Variants in LHFPL3 observed in about 807,000 individuals in gnomAD.
The protein encoded by LHFPL3 is LHFPL tetraspan subfamily member 3 protein.
A neutral mutation model predicts 19.3 loss-of-function variants in LHFPL3; 5 were observed. The ratio of observed to expected loss-of-function variants is 0.26; its 90% confidence interval spans 0.14 to 0.54. LHFPL3 has a LOEUF of 0.54. Ranked by LOEUF, LHFPL3 falls within the 20% of genes least tolerant of loss-of-function variation. The pLI is 0.94. For missense variants in LHFPL3, 249 were observed against 307.4 expected (o/e 0.81, Z 1.42); for synonymous variants, 133 against 126.2 (o/e 1.05, Z -0.36).
chr7:104,801,735 TAA>T (rs1790250605), intron 2 of LHFPL3, among the ~76,000 whole-genome samples: 1 of 152,048 alleles, frequency 6.6e-6, no homozygotes, highest in South Asian at 2.1e-4. Flanking sequence ...CACACCCAGC[TAA>T]TTTTTTGTAT....
At chr7:104,771,634 T>C (rs74378298) in intron 2 of LHFPL3, among the ~76,000 whole-genome samples, 234 of 151,834 alleles carry the variant, frequency 1.5e-3, no homozygotes, top group African/African-American at 5.5e-3. Context: ...TGAATATTGA[T>C]ATTTTGGCTC....
At chr7:104,900,782 G>GAGAAAA (rs1475570530) in intron 2 of LHFPL3, among the ~76,000 whole-genome samples, 2 of 152,182 alleles carry the variant, frequency 1.3e-5, no homozygotes, top group African/African-American at 4.8e-5. Context: ...TGATTCAAAT[G>GAGAAAA]ACAGCTTTGA....
intron 1 of LHFPL3, among the ~76,000 whole-genome samples, chr7:104,604,272 T>C (rs899217738): frequency 2.6e-5 from 4 of 152,172 alleles, no homozygotes; most frequent in African/African-American, 4.8e-5. Context: ...GCCAGGGTGG[T>C]CGAAGAGTGC....
chr7:104,379,395 T>C (rs146094423), intron 1 of LHFPL3, among the ~76,000 whole-genome samples: 1 of 152,338 alleles, frequency 6.6e-6, no homozygotes, highest in East Asian at 1.9e-4. Context: ...AGATTGTAAG[T>C]CTGCCTCTTC....
At chr7:104,360,739 GTGTA>G (rs1418583882) in intron 1 of LHFPL3, among the ~76,000 whole-genome samples, 5 of 121,238 alleles carry the variant, frequency 4.1e-5, no homozygotes, top group Non-Finnish European at 6.7e-5. Context: ...GTGTGTGTGT[GTGTA>G]TACATTTACA....
intron 2 of LHFPL3, among the ~76,000 whole-genome samples, chr7:104,846,704 T>G (rs975376767): frequency 1.3e-5 from 2 of 152,326 alleles, no homozygotes; most frequent in Admixed American, 6.5e-5. Flanking sequence ...TCTTGCACAC[T>G]ACCAGGAGAG....
In LHFPL3 at chr7:104,452,443, G is replaced by A. The variant is rs145023360; in HGVS notation, c.445+123219G>A. 7.0e-3 allele frequency among the ~76,000 whole-genome samples: 1,069 copies of A among 152,136 alleles called. 11 individuals carry two copies. Among genetic ancestry groups the A allele is most frequent in the African/African-American group, 0.025 (1,019 of 41,526 alleles). On this transcript the variant is annotated intron_variant, in intron 1 of 2. Coordinates refer to ENST00000424859, the MANE Select transcript of LHFPL3 (RefSeq NM_199000.3). The stretch of plus-strand genomic sequence containing the variant: ...TCCTTAGGATACATTCCTAGAAGTG[G>A]AGTTTCTGGGTCCAAGGGCTTGCCC...
chr7:104,647,539 A>C (rs1297443499), intron 1 of LHFPL3, among the ~76,000 whole-genome samples: 1 of 152,246 alleles, frequency 6.6e-6, no homozygotes, highest in Non-Finnish European at 1.5e-5. Flanking sequence ...TTATTCCACA[A>C]CAAATATTTA....
intron 1 of LHFPL3, among the ~76,000 whole-genome samples, chr7:104,602,020 CTTTTTTTTT>C (rs57501560): frequency 1.1e-5 from 1 of 91,456 alleles, no homozygotes; most frequent in African/African-American, 4.3e-5. Flanking sequence ...TTTTTCTTTT[CTTTTTTTTT>C]TTTTTTTTTT....
At chr7:104,902,658 T>C (rs188689273) in intron 2 of LHFPL3, among the ~76,000 whole-genome samples, 44 of 152,160 alleles carry the variant, frequency 2.9e-4, no homozygotes, top group African/African-American at 1.0e-3. Flanking sequence ...TGGTGGCGCA[T>C]ACCTGTAATC....
chr7:104,350,164 T>TATTTAA (rs547802089), intron 1 of LHFPL3, among the ~76,000 whole-genome samples: 3,501 of 152,184 alleles, frequency 0.023, 145 homozygotes, highest in African/African-American at 0.08. Context: ...CACATGTGGC[T>TATTTAA]ATTTAAATTT....
At chr7:104,332,946 GA>G (rs3080461) in intron 1 of LHFPL3, among the ~76,000 whole-genome samples, 27,078 of 148,292 alleles carry the variant, frequency 0.18, 2,510 homozygotes, top group Middle Eastern at 0.32. Flanking sequence ...TCTTCAGAAG[GA>G]AAAAAAAAAA....
intron 2 of LHFPL3, among the ~76,000 whole-genome samples, chr7:104,886,522 A>G (rs1364434981): frequency 6.6e-6 from 1 of 151,808 alleles, no homozygotes; most frequent in Admixed American, 6.6e-5. Context: ...CCACCACCAC[A>G]CCTGGCTAAT....
intron 2 of LHFPL3, among the ~76,000 whole-genome samples, chr7:104,821,946 AC>A (rs1790684285): frequency 6.6e-6 from 1 of 152,224 alleles, no homozygotes; most frequent in East Asian, 1.9e-4. Context: ...GGAGATAATA[AC>A]AGGCCGCATA....
intron 1 of LHFPL3, among the ~76,000 whole-genome samples, chr7:104,518,843 A>ATAGT (rs1351038185): frequency 1.3e-5 from 2 of 149,378 alleles, no homozygotes. Flanking sequence ...AGATAGATAG[A>ATAGT]TAGAATAAAT....
chr7:104,363,784 G>A (rs1449135084), intron 1 of LHFPL3, among the ~76,000 whole-genome samples: 1 of 152,238 alleles, frequency 6.6e-6, no homozygotes, highest in Admixed American at 6.5e-5. Context: ...TTCACCCAGA[G>A]TGACATGATT....
In LHFPL3 at chr7:104,862,126, T is replaced by TA. The variant is rs374706473; in HGVS notation, c.683-44052dup. Reference sequence around the variant, plus strand: ...AAAGGAAATCACCTGACATGGAGATTAAAAAAAAATACCCTCCAAATGCCA... The same window carrying TA: ...AAAGGAAATCACCTGACATGGAGATTAAAAAAAAAATACCCTCCAAATGCCA... On this transcript the variant is annotated intron_variant, in intron 2 of 2. Transcript: ENST00000424859. Among the ~76,000 whole-genome samples the TA allele has an allele frequency of 2.0e-3, 309 of 151,152 alleles. 3 individuals are homozygous for TA. The highest frequency in any genetic ancestry group is 6.8e-3 in the African/African-American group (279 of 41,250).
intron 2 of LHFPL3, 135 bp from the exon 3 acceptor site, chr7:104,906,052 C>CA: frequency 1.2e-6 from 1 of 800,398 alleles, no homozygotes; most frequent in Non-Finnish European, 2.1e-6. Context: ...GTAACAAATG[C>CA]AAAATGCATT....
chr7:104,469,376 C>A (rs1261326325), intron 1 of LHFPL3, among the ~76,000 whole-genome samples: 5 of 152,224 alleles, frequency 3.3e-5, no homozygotes, highest in Non-Finnish European at 5.9e-5. Flanking sequence ...TACAGTGCTA[C>A]TCATTTTGTG....
Sources: allele counts gnomAD v4.1 joint callset (sites outside exome capture counted in the v4.1 genomes callset), GRCh38; gene constraint gnomAD v4.1.1; transcripts MANE v1.5; gene names NCBI Gene and HGNC (gene_info 2026-07-23, HGNC 2026-07-21).